The following SUSD2 variants were observed in gnomAD, a reference collection of about 807,000 sequenced individuals.
SUSD2 encodes the protein sushi domain-containing protein 2.
Under a neutral mutation model 93.8 loss-of-function variants are expected in SUSD2, and 86 were observed. That is an observed-to-expected ratio of 0.92 (90% confidence interval 0.77 to 1.10). SUSD2 has a LOEUF of 1.10. SUSD2 is among the 50% of genes least tolerant of loss of function. The pLI is 0.00. For synonymous variants in SUSD2, 483 were observed against 485.0 expected (o/e 1.00, Z 0.05); for missense variants, 1,060 against 1,137.0 (o/e 0.93, Z 0.97).
Position 24,187,230 on chromosome 22 carries a change from C to A in SUSD2, c.1671C>A (p.Asp557Glu), listed in dbSNP as rs2047373175. 1 of 1,613,386 alleles carries A rather than the reference C, an allele frequency of 6.2e-7. No homozygotes were observed. The highest frequency in any genetic ancestry group is 2.2e-5 in the East Asian group (1 of 44,872). ...KGMFLSVAAGDRVSIMLASGA... is the reference protein window; with the variant it reads ...KGMFLSVAAGERVSIMLASGA... ...TGTTCCTGTCGGTGGCTGCCGGGGA[C>A]AGGGTCTCCATCATGCTGGCATCAG... Residue 557 changes from aspartate to glutamate, a missense_variant, in exon 11 of 15, where the codon GAC becomes GAA. Physicochemically the swap from Asp to Glu is conservative, Grantham distance 45. Around this residue, in one of 2 missense-constraint regions of SUSD2, gnomAD observed 973 missense variants for 1,005.3 expected, o/e 0.97. Coordinates refer to ENST00000358321, the MANE Select transcript of SUSD2 (RefSeq NM_019601.4).
intron 7 of SUSD2, 44 bp from the exon 8 acceptor site, chr22:24,185,617 G>A (rs1374154544): frequency 6.2e-7 from 1 of 1,606,726 alleles, no homozygotes; most frequent in Non-Finnish European, 8.5e-7. Context: ...GGTCAGGGGT[G>A]GGCTCCCAAC....
chr22:24,187,901 C>A, intron 12 of SUSD2, 58 bp downstream of exon 12: 1 of 1,605,088 alleles, frequency 6.2e-7, no homozygotes, highest in Non-Finnish European at 8.5e-7. Context: ...CCGGGGTGGC[C>A]AGATGTGTGT....
rs556960562 is a variant in SUSD2, at chr22:24,185,062, C to T, written c.783-32C>T. On this transcript the variant is annotated intron_variant, in intron 5 of 14. Coordinates refer to ENST00000358321, the MANE Select transcript of SUSD2 (RefSeq NM_019601.4). ...TGGGGCGACCATGGGGTGGTGTGGG[C>T]TGGCCCAGCTCCAGCATCATCACCT... 5.0e-6 allele frequency: 8 copies of T among 1,611,898 alleles called. No individual in the cohort carries two copies. The African/African-American group carries it at 9.3e-5, about 19-fold the overall frequency.
intron 1 of SUSD2, 108 bp downstream of exon 1, chr22:24,181,703 C>T: frequency 1.1e-6 from 1 of 879,166 alleles, no homozygotes; most frequent in Non-Finnish European, 1.7e-6. Flanking sequence ...GTCAGGCCAT[C>T]TGTGGCTGTG....
At chr22:24,186,194 T>A (rs2047365210) in intron 9 of SUSD2, 35 bp downstream of exon 9, 1 of 1,608,822 alleles carries the variant, frequency 6.2e-7, no homozygotes, top group East Asian at 2.2e-5. Flanking sequence ...CTGGTTGGCA[T>A]GGGGTAGAAC....
At chr22:24,182,855 G>A in intron 1 of SUSD2, 1 of 585,384 alleles carries the variant, frequency 1.7e-6, no homozygotes, top group Non-Finnish European at 3.0e-6. Flanking sequence ...ACAGCCAGAT[G>A]GTCTGTGCTA....
At position 24,188,818 on chromosome 22, in the gene SUSD2, A is replaced by C. The variant is rs1601344002; in HGVS notation, c.*382A>C. ...CCTGAGCCTCAGATTCCAATACCTCACTCCCCAGAGCCTGATGCCGGGGCC... is the reference window on the plus strand; with the variant it reads ...CCTGAGCCTCAGATTCCAATACCTCCCTCCCCAGAGCCTGATGCCGGGGCC... On this transcript the variant is annotated 3_prime_UTR_variant, in exon 15 of 15. Coordinates refer to ENST00000358321, the MANE Select transcript of SUSD2 (RefSeq NM_019601.4). This position sits in a 1 kb window ranked among gnomAD's most constrained non-coding sequence, Gnocchi z 4.7. 6 of 195,354 alleles carry C rather than the reference A, an allele frequency of 3.1e-5. No individual in the cohort carries two copies. Among genetic ancestry groups the C allele is most frequent in the South Asian group, 1.0e-4 (1 of 10,032 alleles). The allele number at this position is 195,354 out of a possible 1,614,324, so 12.1% of individuals were successfully genotyped here.
chr22:24,184,320 G>A lies in SUSD2; in HGVS notation c.607+17G>A, dbSNP rs1201727390. The A allele has an allele frequency of 3.1e-6, 5 of 1,610,976 alleles. No homozygotes were observed. Among genetic ancestry groups the A allele is most frequent in the Non-Finnish European group, 4.2e-6 (5 of 1,178,542 alleles). On this transcript the variant is annotated intron_variant, in intron 4 of 14. Transcript: ENST00000358321. The stretch of plus-strand genomic sequence containing the variant: ...AGGAGACAGGTGAGGCCAGCTGAGG[G>A]CTGGGGTGGCATCAGAGCTTTGGGC...
At chr22:24,184,647 C>G in intron 4 of SUSD2, 119 bp from the exon 5 acceptor site, 1 of 800,590 alleles carries the variant, frequency 1.2e-6, no homozygotes, top group South Asian at 1.8e-5. Context: ...CTAGAACAGC[C>G]CCTCCTAAGG....
intron 12 of SUSD2, 28 bp downstream of exon 12, chr22:24,187,871 G>T: frequency 6.2e-7 from 1 of 1,604,018 alleles, no homozygotes; most frequent in South Asian, 1.1e-5. Flanking sequence ...GGGGTGGGCG[G>T]GGAGCTGGGA....
chr22:24,182,299 T>C (rs1035144712), intron 1 of SUSD2, among the ~76,000 whole-genome samples: 4 of 152,148 alleles, frequency 2.6e-5, no homozygotes, highest in African/African-American at 7.2e-5. Context: ...CCTGGAAATA[T>C]GGCCTTGCCC....
intron 1 of SUSD2, chr22:24,182,714 C>T (rs1249438878): frequency 7.9e-6 from 2 of 252,206 alleles, no homozygotes; most frequent in Admixed American, 5.0e-5. Context: ...CACTGAGGAC[C>T]CCTGCCTGTG....
chr22:24,185,645 T>G lies in SUSD2; in HGVS notation c.1071-16T>G. On this transcript the variant is annotated splice_polypyrimidine_tract_variant and intron_variant, in intron 7 of 14. Transcript: ENST00000358321. ...CTCCCAACAGTGGCCTGGCCCTGAC[T>G]CACTGGCTCCTGCAGCCTCCGGTAC... 6.2e-7 allele frequency: 1 copy of G among 1,608,716 alleles called. No individual in the cohort carries two copies. The highest frequency in any genetic ancestry group is 8.5e-7 in the Non-Finnish European group (1 of 1,177,594).
intron 10 of SUSD2, 118 bp from the exon 11 acceptor site, chr22:24,187,084 C>A: frequency 7.2e-7 from 1 of 1,388,420 alleles, no homozygotes; most frequent in Non-Finnish European, 9.8e-7. Context: ...AACGCCCTCC[C>A]TTCCCCTGCA....
rs759423962 is a variant in SUSD2 at position 24,186,295 on chromosome 22, G to A, written c.1522G>A (p.Val508Ile). The A allele has an allele frequency of 1.8e-5, 29 of 1,613,726 alleles. No individual in the cohort carries two copies. The highest frequency in any genetic ancestry group is 1.6e-4 in the Middle Eastern group (1 of 6,074). ...TRGTGLTAVA[V>I]QEGNSDVVEV... ...TGGCACTGGGCTGACCGCAGTGGCC[G>A]TCCAGGAGGGCAACTCAGATGTGGT... Residue 508 changes from valine (V) to isoleucine (I), a missense_variant, in exon 10 of 15, where the codon GTC becomes ATC. By Grantham distance (29) the Val-to-Ile change is conservative. Transcript: ENST00000358321.
Position 24,183,627 on chromosome 22 carries a change from T to G in SUSD2, c.420T>G (p.Arg140=), listed in dbSNP as rs1739390298. The stretch of plus-strand genomic sequence containing the variant: ...TGGACAACGGCCACTCCTTCCCTCG[T>G]GCGGGCACCTGGCTGGCTGGTGAGC... The part of the protein sequence containing the change: ...VSLDNGHSFP[R]AGTWLAVHPN... The change falls in exon 3 of 15, where the codon CGT becomes CGG. Residue 140 remains arginine, a synonymous_variant. Coordinates refer to ENST00000358321, the MANE Select transcript of SUSD2 (RefSeq NM_019601.4). The G allele has an allele frequency of 6.2e-7, 1 of 1,612,132 alleles. No homozygotes were observed. Among genetic ancestry groups the G allele is most frequent in the Non-Finnish European group, 8.5e-7 (1 of 1,179,938 alleles).
At chr22:24,184,383 AG>A in intron 4 of SUSD2, 80 bp downstream of exon 4, 1 of 1,472,696 alleles carries the variant, frequency 6.8e-7, no homozygotes, top group Non-Finnish European at 9.3e-7. Context: ...GCTGTGTGGG[AG>A]GAGGAAGGGA....
intron 1 of SUSD2, 38 bp downstream of exon 1, chr22:24,181,633 T>C (rs1392621971): frequency 6.7e-7 from 1 of 1,492,324 alleles, no homozygotes; most frequent in Admixed American, 2.0e-5. Context: ...CGTCTGTCTG[T>C]CCATCTGTCT....
At chr22:24,187,111 G>A (rs2047371740) in intron 10 of SUSD2, 91 bp from the exon 11 acceptor site, 1 of 1,524,332 alleles carries the variant, frequency 6.6e-7, no homozygotes, top group Admixed American at 1.8e-5. Flanking sequence ...CTCACCCACA[G>A]CCCCTGGGTG....
Sources: gnomAD v4.1 joint callset for allele counts (sites outside exome capture counted in the v4.1 genomes callset) on GRCh38, gnomAD v4.1.1 for gene constraint, gnomAD v4.1.1 regional missense constraint, Gnocchi (gnomAD v3.1) non-coding constraint, MANE v1.5 for transcripts, NCBI Gene and HGNC (gene_info 2026-07-23, HGNC 2026-07-21) for gene names.